INPP5A: variants seen among roughly 807,000 people sequenced by gnomAD.
INPP5A encodes 43 kDa inositol polyphosphate 5-phophatase.
A neutral mutation model predicts 65.2 loss-of-function variants in INPP5A; 14 were observed. The observed-to-expected ratio is 0.21, with a 90% CI of 0.14 to 0.34. The LOEUF (loss-of-function observed/expected upper bound fraction) is 0.34. Ranked by LOEUF, INPP5A falls within the 10% of genes least tolerant of loss-of-function variation. The pLI, the probability that INPP5A is intolerant of heterozygous loss-of-function variation, is 1.00. For synonymous variants in INPP5A, 207 were observed against 208.3 expected (o/e 0.99, Z 0.05); for missense variants, 431 against 545.6 (o/e 0.79, Z 2.09).
At chr10:132,738,629 G>A (rs1009304115) in intron 9 of INPP5A, among the ~76,000 whole-genome samples, 1 of 152,252 alleles carries the variant, frequency 6.6e-6, no homozygotes, top group African/African-American at 2.4e-5. Context: ...TCTAGCTGGC[G>A]TGAGAGCAAG....
rs566504443 is a variant in INPP5A at position 132,610,103 on chromosome 10, C to T, written c.117+2147C>T. Among the ~76,000 whole-genome samples the T allele has an allele frequency of 4.6e-5, 7 of 152,310 alleles. No homozygotes were observed. The East Asian group carries it at 7.7e-4, about 17-fold the overall frequency. On this transcript the variant is annotated intron_variant, in intron 2 of 15. Transcript: ENST00000368594. ...GGTACAGTGCAGCCATGGCGGACAC[C>T]GAGGTCCCGGCAACAGCTCCCAACA...
Position 132,538,225 on chromosome 10 carries a change from C to T in INPP5A, c.75+54C>T. 9.2e-7 allele frequency: 1 copy of T among 1,089,836 alleles called. No homozygotes were observed. Among genetic ancestry groups the T allele is most frequent in the Non-Finnish European group, 1.2e-6 (1 of 856,328 alleles). 67.5% of individuals were successfully genotyped at this position (1,089,836 alleles called of 1,614,324 possible). On this transcript the variant is annotated intron_variant, in intron 1 of 15. Coordinates refer to ENST00000368594, the MANE Select transcript of INPP5A (RefSeq NM_005539.5). This position sits in a 1 kb window ranked among gnomAD's most constrained non-coding sequence, Gnocchi z 4.1. ...CAAGCCCGGAACCCCCGACCCTGAC[C>T]CCGGGGTCCCGAACTGCAAGCCTTG...
chr10:132,676,301 C>T lies in INPP5A; in HGVS notation c.307-14091C>T, dbSNP rs985662622. Among the ~76,000 whole-genome samples, 2 of 152,164 alleles carry T rather than the reference C, an allele frequency of 1.3e-5. No homozygotes were observed. Among genetic ancestry groups the T allele is most frequent in the African/African-American group, 2.4e-5 (1 of 41,438 alleles). ...GGAAACTAGGTTCCTCACACAGCCT[C>T]GTTTTTCATGAGACCTGCGGAAAGG... On this transcript the variant is annotated intron_variant, in intron 4 of 15. Transcript: ENST00000368594. This position sits in a 1 kb window ranked among gnomAD's most constrained non-coding sequence, Gnocchi z 4.0.
At chr10:132,558,255 A>G (rs1272024881) in intron 1 of INPP5A, among the ~76,000 whole-genome samples, 3 of 152,132 alleles carry the variant, frequency 2.0e-5, no homozygotes, top group Admixed American at 6.5e-5. Flanking sequence ...GACTTCCCCA[A>G]GCTGCTCCGG....
At chr10:132,769,802 C>T (rs556662090) in intron 12 of INPP5A, among the ~76,000 whole-genome samples, 1 of 140,058 alleles carries the variant, frequency 7.1e-6, no homozygotes, top group African/African-American at 2.5e-5. Flanking sequence ...CCCGTAGCTC[C>T]CCCCCCCCAA....
intron 1 of INPP5A, among the ~76,000 whole-genome samples, chr10:132,580,187 G>C (rs1201511856): frequency 6.6e-6 from 1 of 152,180 alleles, no homozygotes; most frequent in South Asian, 2.1e-4. Flanking sequence ...CTGGGTCCCT[G>C]ATATGGTTTG....
chr10:132,672,579 TTG>T, intron 4 of INPP5A, among the ~76,000 whole-genome samples: 1 of 152,312 alleles, frequency 6.6e-6, no homozygotes, highest in South Asian at 2.1e-4. Context: ...TCTGCCATGA[TTG>T]TGAGGCCTTA....
intron 8 of INPP5A, among the ~76,000 whole-genome samples, chr10:132,723,161 G>A (rs945743220): frequency 6.6e-6 from 1 of 152,354 alleles, no homozygotes; most frequent in African/African-American, 2.4e-5. Context: ...ATGACGCGGC[G>A]TCTCCAGGGC....
chr10:132,666,782 G>A (rs1316401655), intron 4 of INPP5A, among the ~76,000 whole-genome samples: 1 of 152,178 alleles, frequency 6.6e-6, no homozygotes, highest in Non-Finnish European at 1.5e-5. Flanking sequence ...CCTTAAAGCG[G>A]CCCCCAGCGT....
At position 132,575,950 on chromosome 10, in the gene INPP5A, C is replaced by T. The variant is rs2071407974; in HGVS notation, c.76-31965C>T. Among the ~76,000 whole-genome samples the T allele has an allele frequency of 6.6e-6, 1 of 152,182 alleles. No individual in the cohort carries two copies. Among genetic ancestry groups the T allele is most frequent in the Non-Finnish European group, 1.5e-5 (1 of 68,026 alleles). ...TGGAGCTGGTGGCTCCCCTCTCCTCCTGAACCACGAGTACTTTCTGGGGAA... is the reference window on the plus strand; with the variant it reads ...TGGAGCTGGTGGCTCCCCTCTCCTCTTGAACCACGAGTACTTTCTGGGGAA... On this transcript the variant is annotated intron_variant, in intron 1 of 15. Coordinates refer to ENST00000368594, the MANE Select transcript of INPP5A (RefSeq NM_005539.5). The surrounding 1 kb of genome is among the most constrained non-coding windows in gnomAD (Gnocchi z 5.4).
rs1014458280 is a variant in INPP5A at position 132,650,183 on chromosome 10, A to G, written c.219-235A>G. On this transcript the variant is annotated intron_variant, in intron 3 of 15. Coordinates refer to ENST00000368594, the MANE Select transcript of INPP5A (RefSeq NM_005539.5). The surrounding 1 kb of genome is among the most constrained non-coding windows in gnomAD (Gnocchi z 5.5). Reference sequence around the variant, plus strand: ...GATGCCTCAGACCCCGGCATCTCACAGGCTGCGTGGAGACCAGAGCCTGTG... The same window carrying G: ...GATGCCTCAGACCCCGGCATCTCACGGGCTGCGTGGAGACCAGAGCCTGTG... Among the ~76,000 whole-genome samples, 2 of 152,210 alleles carry G rather than the reference A, an allele frequency of 1.3e-5. No homozygotes were observed. The highest frequency in any genetic ancestry group is 4.8e-5 in the African/African-American group (2 of 41,464).
chr10:132,647,349 A>G (rs2072511358), intron 3 of INPP5A, among the ~76,000 whole-genome samples: 1 of 151,914 alleles, frequency 6.6e-6, no homozygotes, highest in Non-Finnish European at 1.5e-5. Context: ...CAATCTCCTG[A>G]CCTTGTGATC....
At chr10:132,721,932 A>G (rs761042865) in intron 8 of INPP5A, among the ~76,000 whole-genome samples, 2 of 152,212 alleles carry the variant, frequency 1.3e-5, no homozygotes, top group Non-Finnish European at 2.9e-5. Context: ...AAGTGAAGTC[A>G]TGAAAAATAG....
chr10:132,565,134 A>G (rs920974391), intron 1 of INPP5A, among the ~76,000 whole-genome samples: 2 of 152,176 alleles, frequency 1.3e-5, no homozygotes, highest in South Asian at 2.1e-4. Flanking sequence ...TTTCGAGTCA[A>G]GGTCTCAGCT....
chr10:132,649,972 G>A (rs2072551416), intron 3 of INPP5A, among the ~76,000 whole-genome samples: 1 of 152,224 alleles, frequency 6.6e-6, no homozygotes, highest in African/African-American at 2.4e-5. Context: ...TCTGGGAGGA[G>A]CAGATGGGGA....
chr10:132,649,276 G>A (rs114741764), intron 3 of INPP5A, among the ~76,000 whole-genome samples: 1,585 of 152,156 alleles, frequency 0.01, 31 homozygotes, highest in African/African-American at 0.036. Context: ...CGTTCCTTTC[G>A]CTGTCTGGTC....
intron 1 of INPP5A, among the ~76,000 whole-genome samples, chr10:132,544,104 C>T (rs1286464743): frequency 1.3e-5 from 2 of 152,254 alleles, no homozygotes; most frequent in Admixed American, 6.5e-5. Context: ...GTTTCTGCAC[C>T]TCTCAGTGTT....
intron 4 of INPP5A, among the ~76,000 whole-genome samples, chr10:132,669,909 C>T (rs548519197): frequency 1.3e-5 from 2 of 152,112 alleles, no homozygotes; most frequent in African/African-American, 4.8e-5. Flanking sequence ...CAGGGTGCAG[C>T]CCTGCACAGC....
intron 2 of INPP5A, among the ~76,000 whole-genome samples, chr10:132,620,496 G>C (rs2072094658): frequency 6.6e-6 from 1 of 152,166 alleles, no homozygotes; most frequent in Admixed American, 6.5e-5. Flanking sequence ...TCTTCCATCA[G>C]ATACCCTAAA....
Sources: gnomAD v4.1 joint callset for allele counts (sites outside exome capture counted in the v4.1 genomes callset) on GRCh38, gnomAD v4.1.1 for gene constraint, Gnocchi (gnomAD v3.1) non-coding constraint, MANE v1.5 for transcripts, NCBI Gene and HGNC (gene_info 2026-07-23, HGNC 2026-07-21) for gene names.